GRIP2: variants seen among roughly 807,000 people sequenced by gnomAD.
GRIP2 encodes the protein glutamate receptor-interacting protein 2.
Under a neutral mutation model 108.3 loss-of-function variants are expected in GRIP2, and 58 were observed. That is an observed-to-expected ratio of 0.54 (90% CI 0.43 to 0.67). The LOEUF (loss-of-function observed/expected upper bound fraction) is 0.67, where lower values mean the gene tolerates loss of function less well. Among genes scored for constraint, GRIP2 ranks in the 30% least tolerant of loss-of-function variants. The probability of loss-of-function intolerance (pLI) is 0.00; values close to 1 mark genes in which losing one functional copy is unlikely to be tolerated. For synonymous variants in GRIP2, 586 were observed against 598.2 expected (o/e 0.98, Z 0.30); for missense variants, 1,278 against 1,430.6 (o/e 0.89, Z 1.72).
chr3:14,542,154 T>A, upstream of GRIP2: 1 of 976,412 alleles, frequency 1.0e-6, no homozygotes, highest in Non-Finnish European at 1.4e-6. Context: ...TTATTTTTTA[T>A]TTTTTTTATT....
chr3:14,546,169 T>C (rs1225068537), upstream of GRIP2, among the ~76,000 whole-genome samples: 1 of 152,132 alleles, frequency 6.6e-6, no homozygotes, highest in Non-Finnish European at 1.5e-5. Flanking sequence ...CTGCAGTAAC[T>C]GCCTGGAGCT....
the GRIP2 span, among the ~76,000 whole-genome samples, chr3:14,595,129 C>T: frequency 3.3e-5 from 5 of 152,116 alleles, no homozygotes; most frequent in African/African-American, 1.2e-4. Flanking sequence ...AACTCCTGGG[C>T]TCAAGTGATC....
the GRIP2 span, among the ~76,000 whole-genome samples, chr3:14,598,771 T>A: frequency 6.6e-6 from 1 of 152,104 alleles, no homozygotes; most frequent in Non-Finnish European, 1.5e-5. Flanking sequence ...CTTCCTCTAT[T>A]CTTCTTTCTC....
At chr3:14,567,559 C>A in the GRIP2 span, among the ~76,000 whole-genome samples, 1 of 152,184 alleles carries the variant, frequency 6.6e-6, no homozygotes, top group African/African-American at 2.4e-5. Context: ...GGGGTGATAA[C>A]AAGGTCACAA....
intron 1 of GRIP2, among the ~76,000 whole-genome samples, chr3:14,550,256 C>T (rs1695124407): frequency 6.6e-6 from 1 of 152,220 alleles, no homozygotes; most frequent in African/African-American, 2.4e-5. Flanking sequence ...TTTTTATCAC[C>T]ATCCTCCAGG....
In GRIP2 at chr3:14,494,752, C is replaced by G. The variant is rs568768421; in HGVS notation, c.2970+91G>C. The G allele has an allele frequency of 2.8e-6, 4 of 1,443,206 alleles. No individual in the cohort carries two copies. The East Asian group carries it at 7.4e-5, about 27-fold the overall frequency. 89.4% of individuals were successfully genotyped at this position (1,443,206 alleles called of 1,614,324 possible). A position where few individuals can be genotyped will look rare whatever the true frequency, so the allele number is the denominator to read the frequency against. On this transcript the variant is annotated intron_variant, in intron 23 of 23. Transcript: ENST00000621039. ...TGACTCAGACTTGCATTGTCCTGCC[C>G]TCTTCACAGGCGATAGATGCAGGCT...
intron 1 of GRIP2, among the ~76,000 whole-genome samples, chr3:14,535,625 G>A (rs1454529269): frequency 6.6e-6 from 1 of 152,208 alleles, no homozygotes; most frequent in Non-Finnish European, 1.5e-5. Context: ...GAGAGGTTAA[G>A]TGATATCCCA....
chr3:14,510,167 C>T (rs1182857792), intron 16 of GRIP2, among the ~76,000 whole-genome samples: 14 of 152,168 alleles, frequency 9.2e-5, no homozygotes, highest in Admixed American at 9.2e-4. Context: ...TCACACCTCA[C>T]CCACAATAAT....
chr3:14,506,609 C>T (rs908714411), intron 19 of GRIP2, among the ~76,000 whole-genome samples, 192 bp downstream of exon 19: 1 of 152,220 alleles, frequency 6.6e-6, no homozygotes, highest in Non-Finnish European at 1.5e-5. Flanking sequence ...GCAGTCCATG[C>T]TTCCAGGAGC....
intron 1 of GRIP2, among the ~76,000 whole-genome samples, chr3:14,532,574 A>C (rs1694736231): frequency 6.6e-6 from 1 of 152,104 alleles, no homozygotes; most frequent in Admixed American, 6.5e-5. Context: ...AACGTGCCCT[A>C]GGGGAACCAT....
chr3:14,599,643 G>A, the GRIP2 span, among the ~76,000 whole-genome samples: 1 of 151,148 alleles, frequency 6.6e-6, no homozygotes, highest in Non-Finnish European at 1.5e-5. Context: ...ATGTCAAGGG[G>A]GAGGGTCATT....
rs200719865 is a variant in GRIP2, at chr3:14,513,810, C to T, written c.1494G>A (p.Arg498=). ...GGTCCCCCACCTGCAGCAGCCCACA[C>T]CTGAACCCAGGGGGCCCGGCAGAGA... ...CFIEPDSPAE[R]CGLLQVGDRV... is the part of the protein sequence containing the mutation. Residue 498 remains arginine (R), a splice_region_variant and synonymous_variant, in exon 13 of 24, where the codon AGG becomes AGA. Transcript: ENST00000621039. 1,929 of 1,612,276 alleles carry T rather than the reference C, an allele frequency of 1.2e-3. 4 individuals carry two copies. The highest frequency in any genetic ancestry group is 1.6e-3 in the Non-Finnish European group (1,838 of 1,179,196).
At chr3:14,595,732 G>T in the GRIP2 span, among the ~76,000 whole-genome samples, 1 of 152,230 alleles carries the variant, frequency 6.6e-6, no homozygotes, top group Non-Finnish European at 1.5e-5. Flanking sequence ...GCCTGGCTCC[G>T]CAGGTTGCCC....
the GRIP2 span, among the ~76,000 whole-genome samples, chr3:14,577,782 G>T: frequency 6.6e-6 from 1 of 152,188 alleles, no homozygotes; most frequent in African/African-American, 2.4e-5. Flanking sequence ...GAGGCTGGGG[G>T]TCCCACTTGT....
chr3:14,541,839 G>A (rs776422048), upstream of GRIP2: 9 of 1,283,278 alleles, frequency 7.0e-6, no homozygotes, highest in East Asian at 5.5e-5. Flanking sequence ...TTTCCTGGAC[G>A]ACTCAAATCA....
chr3:14,560,510 C>A (rs919555837), upstream of GRIP2, among the ~76,000 whole-genome samples: 15 of 152,160 alleles, frequency 9.9e-5, no homozygotes, highest in African/African-American at 3.6e-4. Flanking sequence ...CCACGGCAAG[C>A]AGCTCAAGGA....
At position 14,506,870 on chromosome 3, in the gene GRIP2, C is replaced by T. The variant is rs780844378; in HGVS notation, c.2329G>A (p.Val777Met). 4.4e-6 allele frequency: 7 copies of T among 1,607,134 alleles called. No individual in the cohort carries two copies. In the African/African-American group the frequency reaches 6.7e-5, roughly 15 times the overall value. Reference protein sequence around the residue: ...GLPAARFSPAVPSVDSAVESW... With the variant: ...GLPAARFSPAMPSVDSAVESW... ...TCCACAGCACTGTCCACACTGGGCA[C>T]AGCCGGCGAGAAGCGGGCTGCTGGC... is the stretch of plus-strand genomic sequence containing the variant. The change falls in exon 19 of 24, where the codon GTG becomes ATG. Residue 777 changes from valine (V) to methionine (M), a missense_variant. Val to Met is a conservative substitution (Grantham distance 21). Transcript: ENST00000621039.
chr3:14,537,803 C>A (rs575763579), intron 1 of GRIP2, among the ~76,000 whole-genome samples: 1 of 152,344 alleles, frequency 6.6e-6, no homozygotes, highest in Non-Finnish European at 1.5e-5. Flanking sequence ...CCCACTGAGA[C>A]TTCCCTGCCC....
chr3:14,558,984 C>T (rs1256211025), upstream of GRIP2, among the ~76,000 whole-genome samples: 3 of 152,090 alleles, frequency 2.0e-5, no homozygotes, highest in Non-Finnish European at 2.9e-5. Context: ...CTGTCCATTA[C>T]GCCTGGCACT....
Sources: gnomAD v4.1 joint callset for allele counts (sites outside exome capture counted in the v4.1 genomes callset) on GRCh38, gnomAD v4.1.1 for gene constraint, MANE v1.5 for transcripts, NCBI Gene and HGNC (gene_info 2026-07-23, HGNC 2026-07-21) for gene names.